PRKCQ: variants seen among roughly 807,000 people sequenced by gnomAD.
PRKCQ encodes protein kinase C theta type.
A neutral mutation model predicts 91.2 loss-of-function variants in PRKCQ; 41 were observed. That is an observed-to-expected ratio of 0.45 (90% CI 0.35 to 0.58). PRKCQ has a LOEUF of 0.58. Among genes scored for constraint, PRKCQ ranks in the 20% least tolerant of loss-of-function variants. The probability of loss-of-function intolerance (pLI) is 0.00; values close to 1 mark genes in which losing one functional copy is unlikely to be tolerated. For synonymous variants in PRKCQ, 307 were observed against 316.9 expected (o/e 0.97, Z 0.33); for missense variants, 673 against 896.5 (o/e 0.75, Z 3.18).
chr10:6,570,261 G>T (rs1373489376), intron 1 of PRKCQ, among the ~76,000 whole-genome samples: 2 of 152,172 alleles, frequency 1.3e-5, no homozygotes, highest in Non-Finnish European at 2.9e-5. Flanking sequence ...CAAGACATGT[G>T]GGGTGAGGAA....
At position 6,497,206 on chromosome 10, in the gene PRKCQ, A is replaced by C. The variant is rs200625828; in HGVS notation, c.574+14T>G. ...AAAGAATGATGGTAATGCAACCAAAACCCTCTTACTTACGTCGGCACTGGT... is the reference window on the plus strand; with the variant it reads ...AAAGAATGATGGTAATGCAACCAAACCCCTCTTACTTACGTCGGCACTGGT... On this transcript the variant is annotated intron_variant, in intron 6 of 17. Transcript: ENST00000263125. The surrounding 1 kb of genome is among the most constrained non-coding windows in gnomAD (Gnocchi z 4.5). 1,135 of 1,614,122 alleles carry C rather than the reference A, an allele frequency of 7.0e-4. 1 individual carries two copies. Among genetic ancestry groups the C allele is most frequent in the Non-Finnish European group, 9.0e-4 (1,059 of 1,179,998 alleles).
intron 1 of PRKCQ, among the ~76,000 whole-genome samples, chr10:6,535,150 A>T (rs1207515109): frequency 6.6e-6 from 1 of 152,132 alleles, no homozygotes; most frequent in Non-Finnish European, 1.5e-5. Flanking sequence ...TTCCACTACA[A>T]GACCTCTCTG....
chr10:6,544,952 T>G (rs1442089378), intron 1 of PRKCQ, among the ~76,000 whole-genome samples: 1 of 150,820 alleles, frequency 6.6e-6, no homozygotes, highest in Non-Finnish European at 1.5e-5. Context: ...TTTCTTTTCC[T>G]GAGTGACAAA....
chr10:6,566,399 C>G (rs1043067926), intron 1 of PRKCQ, among the ~76,000 whole-genome samples: 2 of 152,256 alleles, frequency 1.3e-5, no homozygotes, highest in African/African-American at 4.8e-5. Flanking sequence ...AGGTGAAATC[C>G]TGGTCTGGAT....
rs1466766508 is a variant in PRKCQ, at chr10:6,553,517, AC to A, written c.-10+26693del. On this transcript the variant is annotated intron_variant, in intron 1 of 17. Coordinates refer to ENST00000263125, the MANE Select transcript of PRKCQ (RefSeq NM_006257.5). ...AAAAAAAAAAAAAAAAAAAAAAAAAACAAACAAACAAAAGAAGAAGAAGAAG... is the reference window on the plus strand; with the variant it reads ...AAAAAAAAAAAAAAAAAAAAAAAAAAAAACAAACAAAAGAAGAAGAAGAAG... 1.5e-3 allele frequency among the ~76,000 whole-genome samples: 221 copies of A among 145,194 alleles called. 6 individuals are homozygous for A. The highest frequency in any genetic ancestry group is 0.015 in the South Asian group (71 of 4,740).
downstream of PRKCQ, among the ~76,000 whole-genome samples, chr10:6,425,703 C>T (rs368865397): frequency 2.9e-4 from 44 of 152,102 alleles, 2 homozygotes; most frequent in South Asian, 5.0e-3. Context: ...GCCTGTAATC[C>T]CAGCACTTTG....
At chr10:6,439,463 A>C (rs1054881823) in intron 16 of PRKCQ, among the ~76,000 whole-genome samples, 1 of 151,982 alleles carries the variant, frequency 6.6e-6, no homozygotes, top group African/African-American at 2.4e-5. Context: ...GCACCAGTCC[A>C]CTAATATGTA....
intron 1 of PRKCQ, among the ~76,000 whole-genome samples, chr10:6,568,030 G>C (rs961196061): frequency 6.6e-6 from 1 of 152,042 alleles, no homozygotes; most frequent in African/African-American, 2.4e-5. Flanking sequence ...TTGAGGTCAG[G>C]AGTTGGAGAC....
At chr10:6,527,521 A>G (rs1839241313) in intron 1 of PRKCQ, among the ~76,000 whole-genome samples, 1 of 152,072 alleles carries the variant, frequency 6.6e-6, no homozygotes, top group Admixed American at 6.5e-5. Context: ...TCATCCCTGT[A>G]CCCCAGGAAG....
chr10:6,410,800 T>G, the PRKCQ span, among the ~76,000 whole-genome samples: 2 of 152,064 alleles, frequency 1.3e-5, no homozygotes, highest in Admixed American at 6.5e-5. Context: ...CTGGCCAACA[T>G]GGTGAAACCC....
rs543537389 is a variant in PRKCQ at position 6,514,874 on chromosome 10, G to C, written c.118+144C>G. 6.2e-5 allele frequency: 85 copies of C among 1,366,464 alleles called. No individual in the cohort carries two copies. In the East Asian group the frequency reaches 1.9e-3, roughly 30 times the overall value. The allele number at this position is 1,366,464 out of a possible 1,614,324, so 84.6% of individuals were successfully genotyped here. Reference sequence around the variant, plus strand: ...AATGTGTGTCCATGAGGAAGTCCTTGGCTTTGCTGGGCATCAGCGTCCTAA... The same window carrying C: ...AATGTGTGTCCATGAGGAAGTCCTTCGCTTTGCTGGGCATCAGCGTCCTAA... On this transcript the variant is annotated intron_variant, in intron 2 of 17. Coordinates refer to ENST00000263125, the MANE Select transcript of PRKCQ (RefSeq NM_006257.5).
chr10:6,424,233 C>T (rs898394662), downstream of PRKCQ, among the ~76,000 whole-genome samples: 8 of 152,186 alleles, frequency 5.3e-5, no homozygotes, highest in Non-Finnish European at 7.3e-5. Context: ...ATGACCTTTC[C>T]GGTGACATTA....
chr10:6,497,615 A>G lies in PRKCQ; in HGVS notation c.543-364T>C, dbSNP rs1247154119. 6.6e-6 allele frequency among the ~76,000 whole-genome samples: 1 copy of G among 152,216 alleles called. No individual in the cohort carries two copies. Among genetic ancestry groups the G allele is most frequent in the Non-Finnish European group, 1.5e-5 (1 of 68,030 alleles). On this transcript the variant is annotated intron_variant, in intron 5 of 17. Coordinates refer to ENST00000263125, the MANE Select transcript of PRKCQ (RefSeq NM_006257.5). This position sits in a 1 kb window ranked among gnomAD's most constrained non-coding sequence, Gnocchi z 4.5. ...GAGCTCACTACAGACGAACAAAGACATCTGTAACATTTTATTTCCTCTTTC... is the reference window on the plus strand; with the variant it reads ...GAGCTCACTACAGACGAACAAAGACGTCTGTAACATTTTATTTCCTCTTTC...
rs1306958876 is a variant in PRKCQ at position 6,576,090 on chromosome 10, C to T, written c.-10+4121G>A. 6.6e-6 allele frequency among the ~76,000 whole-genome samples: 1 copy of T among 151,972 alleles called. No individual in the cohort carries two copies. The highest frequency in any genetic ancestry group is 1.5e-5 in the Non-Finnish European group (1 of 67,986). On this transcript the variant is annotated intron_variant, in intron 1 of 17. Transcript: ENST00000263125. This position sits in a 1 kb window ranked among gnomAD's most constrained non-coding sequence, Gnocchi z 4.2. ...TGCTGAGAATGTGGAATAATTGGGA[C>T]CCTTTCTACCACTGGTGGGAATGTA...
intron 12 of PRKCQ, among the ~76,000 whole-genome samples, chr10:6,471,866 T>C (rs1835988812): frequency 6.6e-6 from 1 of 152,226 alleles, no homozygotes; most frequent in Non-Finnish European, 1.5e-5. Flanking sequence ...AGATGTCAAA[T>C]GCTCATGTCT....
intron 15 of PRKCQ, among the ~76,000 whole-genome samples, chr10:6,444,322 G>A (rs1414899548): frequency 2.6e-5 from 4 of 151,962 alleles, no homozygotes; most frequent in East Asian, 3.9e-4. Flanking sequence ...CACCCACCTC[G>A]GCCTCCAAAG....
At chr10:6,413,637 G>GCA in the PRKCQ span, among the ~76,000 whole-genome samples, 1 of 57,892 alleles carries the variant, frequency 1.7e-5, no homozygotes, top group Non-Finnish European at 3.1e-5. Flanking sequence ...TGCCACTTGT[G>GCA]CACACACACA....
At chr10:6,483,391 C>T (rs1395957190) in intron 11 of PRKCQ, 49 bp downstream of exon 11, 4 of 1,606,718 alleles carry the variant, frequency 2.5e-6, no homozygotes, top group Non-Finnish European at 3.4e-6. Context: ...GAACTTGGCT[C>T]ATCAGTTCCT....
chr10:6,426,150 T>C (rs1457900341), downstream of PRKCQ, among the ~76,000 whole-genome samples: 1 of 152,226 alleles, frequency 6.6e-6, no homozygotes, highest in Non-Finnish European at 1.5e-5. Context: ...GAAAGCGCTC[T>C]AGTGAGGACT....
Sources: gnomAD v4.1 joint callset for allele counts (sites outside exome capture counted in the v4.1 genomes callset) on GRCh38, gnomAD v4.1.1 for gene constraint, Gnocchi (gnomAD v3.1) non-coding constraint, MANE v1.5 for transcripts, NCBI Gene and HGNC (gene_info 2026-07-23, HGNC 2026-07-21) for gene names.